Variants in SLC14A2 observed in about 807,000 individuals in gnomAD.
The protein encoded by SLC14A2 is urea transporter 2.
In SLC14A2, 91 loss-of-function variants were observed where a neutral mutation model predicts 104.6. That is an observed-to-expected ratio of 0.87 (90% CI 0.73 to 1.04). The LOEUF (loss-of-function observed/expected upper bound fraction) is 1.04. SLC14A2 is among the 50% of genes least tolerant of loss of function. The pLI is 0.00. For synonymous variants in SLC14A2, 476 were observed against 466.4 expected (o/e 1.02, Z -0.27); for missense variants, 1,189 against 1,156.0 (o/e 1.03, Z -0.41).
intron 1 of SLC14A2, among the ~76,000 whole-genome samples, chr18:45,339,754 A>C (rs1007478401): frequency 1.3e-5 from 2 of 152,194 alleles, no homozygotes; most frequent in South Asian, 4.1e-4. Flanking sequence ...TTGGTGATGC[A>C]TTGGATTCCA....
chr18:45,547,061 G>A (rs2043981984), intron 2 of SLC14A2, among the ~76,000 whole-genome samples: 1 of 152,078 alleles, frequency 6.6e-6, no homozygotes, highest in Non-Finnish European at 1.5e-5. Context: ...ACTCCTTTCT[G>A]ATTAGGGCAT....
At chr18:45,327,024 A>G (rs1413535448) in intron 1 of SLC14A2, among the ~76,000 whole-genome samples, 1 of 150,444 alleles carries the variant, frequency 6.6e-6, no homozygotes, top group Non-Finnish European at 1.5e-5. Flanking sequence ...CTATCTGTCT[A>G]TCTCTCCATC....
chr18:45,485,003 C>T (rs1047484149), intron 2 of SLC14A2: 1 of 152,152 alleles, frequency 6.6e-6, no homozygotes, highest in Non-Finnish European at 1.5e-5. Flanking sequence ...TATTAATAGG[C>T]TGCTATTATA....
chr18:45,332,037 A>G (rs2085295820), intron 1 of SLC14A2, among the ~76,000 whole-genome samples: 1 of 152,210 alleles, frequency 6.6e-6, no homozygotes, highest in South Asian at 2.1e-4. Context: ...TTTGTAAAGA[A>G]TAAATCCTGT....
intron 1 of SLC14A2, among the ~76,000 whole-genome samples, chr18:45,471,715 AT>A (rs1655709336): frequency 6.6e-6 from 1 of 151,762 alleles, no homozygotes; most frequent in African/African-American, 2.4e-5. Flanking sequence ...TGGGTCCCTA[AT>A]TTTGGTGATG....
chr18:45,538,460 G>A (rs551936205), intron 2 of SLC14A2, among the ~76,000 whole-genome samples: 1 of 152,326 alleles, frequency 6.6e-6, no homozygotes, highest in African/African-American at 2.4e-5. Context: ...GACTGGGACT[G>A]GAGAATCCAC....
intron 18 of SLC14A2, among the ~76,000 whole-genome samples, chr18:45,678,050 C>T (rs141601782): frequency 6.6e-6 from 1 of 152,264 alleles, no homozygotes; most frequent in East Asian, 1.9e-4. Flanking sequence ...AACTCCTGGG[C>T]TCAAGTGATC....
At chr18:45,578,543 G>T (rs1488434652) in intron 2 of SLC14A2, among the ~76,000 whole-genome samples, 1 of 152,168 alleles carries the variant, frequency 6.6e-6, no homozygotes, top group Admixed American at 6.5e-5. Context: ...GAGTAAGAAA[G>T]GTACAGGGTT....
chr18:45,274,450 C>T (rs1489956169), intron 1 of SLC14A2, among the ~76,000 whole-genome samples: 1 of 152,140 alleles, frequency 6.6e-6, no homozygotes, highest in African/African-American at 2.4e-5. Flanking sequence ...AGCTATAGAT[C>T]TTTTTTTAAT....
chr18:45,643,723 A>G lies in SLC14A2; in HGVS notation c.1177-263A>G, dbSNP rs151097395. Among the ~76,000 whole-genome samples the G allele has an allele frequency of 5.5e-3, 832 of 152,084 alleles. 5 individuals are homozygous for G. The highest frequency in any genetic ancestry group is 0.018 in the African/African-American group (751 of 41,478). ...TGTCTTTTGTATTTTTTTGGGTCTC[A>G]CTTTGTTGCCAAGGCTGGTCTGGGC... On this transcript the variant is annotated intron_variant, in intron 9 of 19. Coordinates refer to ENST00000255226, the MANE Select transcript of SLC14A2 (RefSeq NM_007163.4).
intron 2 of SLC14A2, among the ~76,000 whole-genome samples, chr18:45,498,276 A>G (rs969526242): frequency 6.6e-6 from 1 of 152,212 alleles, no homozygotes; most frequent in African/African-American, 2.4e-5. Context: ...CCGGGAACAC[A>G]TTTCTGTATT....
intron 1 of SLC14A2, among the ~76,000 whole-genome samples, chr18:45,455,250 G>A (rs1430118532): frequency 6.6e-6 from 1 of 152,150 alleles, no homozygotes; most frequent in African/African-American, 2.4e-5. Context: ...CAGCCCAAAT[G>A]TCCATCCACA....
At chr18:45,374,693 G>A (rs2144362484) in intron 1 of SLC14A2, among the ~76,000 whole-genome samples, 1 of 152,258 alleles carries the variant, frequency 6.6e-6, no homozygotes, top group South Asian at 2.1e-4. Context: ...ATCCGTGTGG[G>A]ATTATTTTAC....
At chr18:45,573,082 T>A (rs1442546709) in intron 2 of SLC14A2, among the ~76,000 whole-genome samples, 2 of 152,192 alleles carry the variant, frequency 1.3e-5, no homozygotes, top group African/African-American at 2.4e-5. Flanking sequence ...CAGCCTTTAA[T>A]AACATAGCCA....
chr18:45,257,371 A>G lies in SLC14A2; in HGVS notation c.-125+44180A>G, dbSNP rs181583201. On this transcript the variant is annotated intron_variant, in intron 1 of 20. Coordinates refer to the SLC14A2 transcript ENST00000586448. ...TCCTAACTTTTGTATTTACCAGTGC[A>G]TGAGACACATGTAATCCTAATGCAT... 4.4e-4 allele frequency among the ~76,000 whole-genome samples: 67 copies of G among 152,334 alleles called. 1 individual carries two copies. Among genetic ancestry groups the G allele is most frequent in the African/African-American group, 1.3e-3 (54 of 41,582 alleles).
intron 1 of SLC14A2, among the ~76,000 whole-genome samples, chr18:45,248,040 C>A (rs557612262): frequency 6.6e-6 from 1 of 152,202 alleles, no homozygotes; most frequent in South Asian, 2.1e-4. Flanking sequence ...GCAAAAAAAC[C>A]CCTTTCTATC....
At chr18:45,570,352 C>T (rs2044327051) in intron 2 of SLC14A2, among the ~76,000 whole-genome samples, 1 of 152,188 alleles carries the variant, frequency 6.6e-6, no homozygotes, top group South Asian at 2.1e-4. Flanking sequence ...TGAAGCTCCT[C>T]TTGGATTATA....
intron 1 of SLC14A2, among the ~76,000 whole-genome samples, chr18:45,340,523 A>C (rs893827730): frequency 6.6e-6 from 1 of 152,238 alleles, no homozygotes; most frequent in Non-Finnish European, 1.5e-5. Flanking sequence ...CTGATATTCA[A>C]TCGGAGTCCA....
chr18:45,674,496 G>A (rs1049583775), intron 18 of SLC14A2, among the ~76,000 whole-genome samples: 3 of 151,940 alleles, frequency 2.0e-5, no homozygotes, highest in African/African-American at 7.3e-5. Flanking sequence ...TTTTATGACA[G>A]TGACTACGAA....
Sources: gnomAD v4.1 joint callset for allele counts (sites outside exome capture counted in the v4.1 genomes callset) on GRCh38, gnomAD v4.1.1 for gene constraint, MANE v1.5 for transcripts, NCBI Gene and HGNC (gene_info 2026-07-23, HGNC 2026-07-21) for gene names.